PPP4R3B: variants seen among roughly 807,000 people sequenced by gnomAD.
The protein encoded by PPP4R3B is protein phosphatase 4 regulatory subunit 3B, also known as serine/threonine-protein phosphatase 4 regulatory subunit 3B.
A neutral mutation model predicts 95.4 loss-of-function variants in PPP4R3B; 52 were observed. The ratio of observed to expected loss-of-function variants is 0.54; its 90% CI spans 0.44 to 0.69. The LOEUF (loss-of-function observed/expected upper bound fraction) is 0.69. Ranked by LOEUF, PPP4R3B falls within the 30% of genes least tolerant of loss-of-function variation. PPP4R3B has a pLI of 0.00. For synonymous variants in PPP4R3B, 407 were observed against 343.9 expected (o/e 1.18, Z -2.03); for missense variants, 1,003 against 1,005.9 (o/e 1.00, Z 0.04).
At chr2:55,569,448 T>A (rs1687713212) in intron 12 of PPP4R3B, among the ~76,000 whole-genome samples, 1 of 152,148 alleles carries the variant, frequency 6.6e-6, no homozygotes, top group Non-Finnish European at 1.5e-5. Context: ...GCTTCAGGGG[T>A]CACGCTCCTA....
At chr2:55,553,263 A>G (rs1473220823) in intron 16 of PPP4R3B, among the ~76,000 whole-genome samples, 4 of 152,206 alleles carry the variant, frequency 2.6e-5, no homozygotes, top group South Asian at 2.1e-4. Flanking sequence ...ACCCCACAAT[A>G]AGCTTTGCTA....
intron 3 of PPP4R3B, among the ~76,000 whole-genome samples, chr2:55,600,811 G>C (rs1386126207): frequency 6.6e-6 from 1 of 151,998 alleles, no homozygotes; most frequent in Non-Finnish European, 1.5e-5. Context: ...AACAGTAAAA[G>C]AGGGAAAAAA....
At position 55,578,345 on chromosome 2, in the gene PPP4R3B, GA is replaced by G. The variant is rs1558986613; in HGVS notation, c.1469-4del. 82 of 1,375,184 alleles carry G rather than the reference GA, an allele frequency of 6.0e-5. No individual in the cohort carries two copies. The highest frequency in any genetic ancestry group is 1.9e-4 in the South Asian group (9 of 47,586). 85.2% of individuals were successfully genotyped at this position (1,375,184 alleles called of 1,614,324 possible). ...TCTGTAATGTTTTAAAAAAAAATCT[GA>G]AAAAAAATATGGCAAGTTAGTTTTG... is the stretch of plus-strand genomic sequence containing the variant. On this transcript the variant is annotated splice_region_variant and splice_polypyrimidine_tract_variant and intron_variant, in intron 9 of 16. Coordinates refer to ENST00000616407, the MANE Select transcript of PPP4R3B (RefSeq NM_001122964.3).
intron 15 of PPP4R3B, among the ~76,000 whole-genome samples, chr2:55,562,588 G>C (rs528559644): frequency 5.2e-4 from 79 of 152,318 alleles, no homozygotes; most frequent in African/African-American, 1.8e-3. Context: ...ACAGAACTGT[G>C]AGTTAATCAA....
At position 55,582,189 on chromosome 2, in the gene PPP4R3B, A is replaced by G. The variant is rs1451033659; in HGVS notation, c.1234-491T>C. 2.6e-5 allele frequency among the ~76,000 whole-genome samples: 4 copies of G among 152,226 alleles called. No individual in the cohort carries two copies. In the East Asian group the frequency reaches 7.7e-4, roughly 29 times the overall value. ...AAAATAACCCAGTACACAACTCTTC[A>G]TGCAAGTGAACACTGTGTTATATAA... On this transcript the variant is annotated intron_variant, in intron 7 of 16. Transcript: ENST00000616407.
chr2:55,558,521 C>A (rs991605997), intron 16 of PPP4R3B, among the ~76,000 whole-genome samples: 8 of 151,934 alleles, frequency 5.3e-5, no homozygotes, highest in Non-Finnish European at 1.2e-4. Context: ...GGCAGGAGAA[C>A]TGCTTGAACC....
chr2:55,609,175 A>AT lies in PPP4R3B; in HGVS notation c.199-5100dup, dbSNP rs1042882470. Among the ~76,000 whole-genome samples, 383 of 148,914 alleles carry AT rather than the reference A, an allele frequency of 2.6e-3. 3 individuals carry two copies. Among genetic ancestry groups the AT allele is most frequent in the South Asian group, 0.011 (50 of 4,712 alleles). ...TAGCTAAAAATTCATAATTCATCTG[A>AT]TTTTTTTTTTTAAAAGGCTGGAGTG... On this transcript the variant is annotated intron_variant, in intron 2 of 16. Transcript: ENST00000616407.
intron 16 of PPP4R3B, among the ~76,000 whole-genome samples, chr2:55,554,318 T>G (rs1685579219): frequency 1.3e-5 from 2 of 152,342 alleles, no homozygotes; most frequent in Non-Finnish European, 2.9e-5. Context: ...CCTCCCAAAA[T>G]GCTGGGATTA....
intron 4 of PPP4R3B, among the ~76,000 whole-genome samples, chr2:55,589,679 G>T (rs923012296): frequency 1.3e-5 from 2 of 151,924 alleles, no homozygotes; most frequent in Non-Finnish European, 2.9e-5. Flanking sequence ...ACTTTGGAAG[G>T]CCGAGGCGGG....
rs570597755 is a variant in PPP4R3B at position 55,617,368 on chromosome 2, C to A, written c.-83G>T. The A allele has an allele frequency of 1.4e-6, 2 of 1,393,422 alleles. No individual in the cohort carries two copies. Among genetic ancestry groups the A allele is most frequent in the Admixed American group, 3.0e-5 (1 of 33,386 alleles). 86.3% of individuals were successfully genotyped at this position (1,393,422 alleles called of 1,614,324 possible). On this transcript the variant is annotated 5_prime_UTR_variant, in exon 1 of 17. Coordinates refer to ENST00000616407, the MANE Select transcript of PPP4R3B (RefSeq NM_001122964.3). ...CCTCACTCTTAGGAGACGGTAAAGG[C>A]AGTAGTGGCGGTGGCGGCGGCGGCG... is the stretch of plus-strand genomic sequence containing the variant.
chr2:55,614,360 T>C (rs992556626), intron 2 of PPP4R3B: 1 of 152,176 alleles, frequency 6.6e-6, no homozygotes, highest in South Asian at 2.1e-4. Flanking sequence ...CTGGAAATAA[T>C]TCAAATGTAT....
chr2:55,599,941 C>CT (rs1692318293), intron 3 of PPP4R3B, among the ~76,000 whole-genome samples: 1 of 152,174 alleles, frequency 6.6e-6, no homozygotes, highest in African/African-American at 2.4e-5. Context: ...ATACCATTTC[C>CT]TAAGGTTAAC....
At chr2:55,612,285 T>C (rs552898851) in intron 2 of PPP4R3B, among the ~76,000 whole-genome samples, 2 of 152,316 alleles carry the variant, frequency 1.3e-5, no homozygotes, top group South Asian at 4.1e-4. Flanking sequence ...ACAGACTTCA[T>C]GTGATATTTG....
chr2:55,562,109 G>T (rs940795086), intron 15 of PPP4R3B, among the ~76,000 whole-genome samples: 8 of 152,154 alleles, frequency 5.3e-5, no homozygotes, highest in Non-Finnish European at 1.0e-4. Context: ...GTTCTCACGA[G>T]ATCTGGTTGT....
chr2:55,579,473 C>T (rs1191793769), intron 9 of PPP4R3B, among the ~76,000 whole-genome samples: 1 of 151,108 alleles, frequency 6.6e-6, no homozygotes, highest in East Asian at 1.9e-4. Context: ...TAGAAATGGC[C>T]CCCGAAAGAA....
At position 55,573,320 on chromosome 2, in the gene PPP4R3B, C is replaced by G. The variant is rs577483018; in HGVS notation, c.1765+299G>C. 1.3e-3 allele frequency among the ~76,000 whole-genome samples: 194 copies of G among 152,122 alleles called. 4 individuals carry two copies. The South Asian group carries it at 0.039, about 31-fold the overall frequency. ...TAAAGAGTGACTGACTACTAAATGACAGTTTGATGAAGTAGATGTAAAAAA... is the reference window on the plus strand; with the variant it reads ...TAAAGAGTGACTGACTACTAAATGAGAGTTTGATGAAGTAGATGTAAAAAA... On this transcript the variant is annotated intron_variant, in intron 12 of 16. Coordinates refer to ENST00000616407, the MANE Select transcript of PPP4R3B (RefSeq NM_001122964.3).
rs372572560 is a variant in PPP4R3B, at chr2:55,615,469, A to G, written c.180T>C (p.Thr60=). 6.3e-7 allele frequency: 1 copy of G among 1,595,440 alleles called. No homozygotes were observed. Among genetic ancestry groups the G allele is most frequent in the South Asian group, 1.1e-5 (1 of 88,204 alleles). Residue 60 remains threonine (T), a synonymous_variant, in exon 2 of 17, where the codon ACT becomes ACC. Transcript: ENST00000616407. ...LLLESKINPN[T]AYQKQQDTLI... ...TACTTGCCTGTTGTTTCTGATATGCAGTATTTGGATTTATCTTTGATTCCA... is the reference window on the plus strand; with the variant it reads ...TACTTGCCTGTTGTTTCTGATATGCGGTATTTGGATTTATCTTTGATTCCA...
chr2:55,612,544 C>T (rs980404964), intron 2 of PPP4R3B, among the ~76,000 whole-genome samples: 12 of 152,070 alleles, frequency 7.9e-5, no homozygotes, highest in African/African-American at 2.9e-4. Context: ...ACAGTGAGAC[C>T]GTCTCTACAA....
At chr2:55,585,811 G>A (rs538885238) in intron 6 of PPP4R3B, among the ~76,000 whole-genome samples, 1 of 152,244 alleles carries the variant, frequency 6.6e-6, no homozygotes, top group African/African-American at 2.4e-5. Flanking sequence ...GGTAATCCTG[G>A]TGAGAGGGGT....
Sources: gnomAD v4.1 joint callset for allele counts (sites outside exome capture counted in the v4.1 genomes callset) on GRCh38, gnomAD v4.1.1 for gene constraint, MANE v1.5 for transcripts, NCBI Gene and HGNC (gene_info 2026-07-23, HGNC 2026-07-21) for gene names.